The following METTL9 variants were observed in gnomAD, a reference collection of about 807,000 sequenced individuals.
METTL9 encodes the protein protein-L-histidine N-pros-methyltransferase.
In METTL9, 10 loss-of-function variants were observed where a neutral mutation model predicts 36.0. The ratio of observed to expected loss-of-function variants is 0.28; its 90% CI spans 0.17 to 0.47. The LOEUF is 0.47. METTL9 is among the 20% of genes least tolerant of loss of function. The pLI, the probability that METTL9 is intolerant of heterozygous loss-of-function variation, is 0.99. For synonymous variants in METTL9, 175 were observed against 149.7 expected, an observed-to-expected ratio of 1.17 and a Z score of -1.23; for missense variants, 246 against 383.5, an observed-to-expected ratio of 0.64 and a Z score of 3.00.
At chr16:21,599,368 G>C, upstream of METTL9, 1 of 1,037,786 alleles carries the variant, frequency 9.6e-7, no homozygotes, top group Non-Finnish European at 1.2e-6. The surrounding 1 kb of genome is among the most constrained non-coding windows in gnomAD (Gnocchi z 4.4). Context: ...GGCCAAGGCA[G>C]GGCCGGGACA....
chr16:21,655,494 C>A lies in METTL9; in HGVS notation c.*62C>A. 2.1e-6 allele frequency: 3 copies of A among 1,422,474 alleles called. No individual in the cohort carries two copies. The highest frequency in any genetic ancestry group is 2.9e-6 in the Non-Finnish European group (3 of 1,029,392). 88.1% of individuals were successfully genotyped at this position (1,422,474 alleles called of 1,614,324 possible). ...CCGGGATGTGCCCTTGGAAGAGGGT[C>A]TGTGTTCACAATTACGTGAAGGGAG... On this transcript the variant is annotated 3_prime_UTR_variant, in exon 5 of 5. Transcript: ENST00000358154.
chr16:21,632,246 A>G (rs960038273), intron 4 of METTL9, among the ~76,000 whole-genome samples: 3 of 152,346 alleles, frequency 2.0e-5, no homozygotes, highest in Non-Finnish European at 1.5e-5. Flanking sequence ...GTAGGATTAC[A>G]TAAGCATACT....
chr16:21,647,971 G>A (rs888625881), intron 4 of METTL9, among the ~76,000 whole-genome samples: 5 of 152,200 alleles, frequency 3.3e-5, no homozygotes, highest in Non-Finnish European at 5.9e-5. Flanking sequence ...CAGCAGCGAT[G>A]TTTGTGCTTT....
At chr16:21,627,073 A>G in intron 4 of METTL9, 1 of 985,412 alleles carries the variant, frequency 1.0e-6, no homozygotes, top group African/African-American at 1.7e-5. Flanking sequence ...ACCTGAGACA[A>G]GAAGCCTTGT....
chr16:21,639,231 G>A lies in METTL9; in HGVS notation c.751+14116G>A, dbSNP rs369990649. Among the ~76,000 whole-genome samples, 32 of 152,226 alleles carry A rather than the reference G, an allele frequency of 2.1e-4. No homozygotes were observed. The East Asian group carries it at 3.5e-3, about 17-fold the overall frequency. On this transcript the variant is annotated intron_variant, in intron 4 of 4. Transcript: ENST00000358154. Reference sequence around the variant, plus strand: ...GGAACTCTTTGCGAAAGTATATTCCGTATTTCAGCTTCAAAATCAATCTTT... The same window carrying A: ...GGAACTCTTTGCGAAAGTATATTCCATATTTCAGCTTCAAAATCAATCTTT...
rs1365735308 is a variant in METTL9, at chr16:21,638,704, G to C, written c.751+13589G>C. ...AGACGAATAGATCTGTTAGCCTGTG[G>C]GTGAGTTAGGGAAGGTTTCATGTTG... On this transcript the variant is annotated intron_variant, in intron 4 of 4. Transcript: ENST00000358154. Among the ~76,000 whole-genome samples the C allele has an allele frequency of 2.0e-5, 3 of 152,152 alleles. No individual in the cohort carries two copies. The South Asian group carries it at 6.2e-4, about 31-fold the overall frequency.
rs1965050342 is a variant in METTL9 at position 21,599,697 on chromosome 16, C to T, written c.-37C>T. On this transcript the variant is annotated 5_prime_UTR_variant, in exon 1 of 5. Transcript: ENST00000358154. This position sits in a 1 kb window ranked among gnomAD's most constrained non-coding sequence, Gnocchi z 4.4. The stretch of plus-strand genomic sequence containing the variant: ...CGGTGCCTCCTCCTCCTCGCCCCGG[C>T]GCCGGCGGTGATCCGAGCGAGCGGC... 4 of 1,447,614 alleles carry T rather than the reference C, an allele frequency of 2.8e-6. No homozygotes were observed. In the South Asian group the frequency reaches 4.0e-5, roughly 15 times the overall value. 89.7% of individuals were successfully genotyped at this position (1,447,614 alleles called of 1,614,324 possible).
chr16:21,606,503 C>T (rs1476831929), intron 1 of METTL9, among the ~76,000 whole-genome samples: 1 of 152,046 alleles, frequency 6.6e-6, no homozygotes, highest in African/African-American at 2.4e-5. Flanking sequence ...TCAATGTATT[C>T]AGCAAACTAA....
chr16:21,643,637 G>C, intron 4 of METTL9: 1 of 1,400,710 alleles, frequency 7.1e-7, no homozygotes, highest in Non-Finnish European at 1.0e-6. Flanking sequence ...AACATTTTAT[G>C]TACTCATAAC....
At chr16:21,645,033 A>G (rs984608424) in intron 4 of METTL9, among the ~76,000 whole-genome samples, 3 of 152,236 alleles carry the variant, frequency 2.0e-5, no homozygotes, top group Admixed American at 1.3e-4. Flanking sequence ...CCTTGCAGAA[A>G]TTGTCTTGTG....
intron 4 of METTL9, among the ~76,000 whole-genome samples, chr16:21,645,111 T>C (rs1966389886): frequency 6.6e-6 from 1 of 152,210 alleles, no homozygotes; most frequent in African/African-American, 2.4e-5. Context: ...CAAAATACAA[T>C]TAGATTTGTA....
At chr16:21,597,839 G>C (rs145914623), upstream of METTL9, 1 of 153,358 alleles carries the variant, frequency 6.5e-6, no homozygotes, top group Non-Finnish European at 1.4e-5. Flanking sequence ...TGATGACTTG[G>C]GCCAGGACCA....
intron 1 of METTL9, among the ~76,000 whole-genome samples, chr16:21,610,111 A>G (rs1300737147): frequency 6.6e-6 from 1 of 152,196 alleles, no homozygotes; most frequent in Non-Finnish European, 1.5e-5. Context: ...CATCACCCCA[A>G]AAAGAAACCT....
chr16:21,642,161 T>G (rs1966288742), intron 4 of METTL9: 1 of 152,154 alleles, frequency 6.6e-6, no homozygotes, highest in African/African-American at 2.4e-5. Context: ...CCATATTTTT[T>G]TAAAAAGAAA....
chr16:21,625,954 G>A (rs1408455177), intron 4 of METTL9, among the ~76,000 whole-genome samples: 1 of 152,140 alleles, frequency 6.6e-6, no homozygotes, highest in African/African-American at 2.4e-5. Context: ...CTGGAGTGCA[G>A]TGGTGCGATC....
intron 4 of METTL9, among the ~76,000 whole-genome samples, chr16:21,636,899 G>A (rs1013232163): frequency 2.6e-5 from 4 of 152,160 alleles, no homozygotes; most frequent in African/African-American, 4.8e-5. Flanking sequence ...GGCGATAGGC[G>A]ATAGTCTCAC....
rs775139586 is a variant in METTL9 at position 21,612,725 on chromosome 16, G to T, written c.246G>T (p.Gln82His). Residue 82 changes from glutamine (Q) to histidine (H), a missense_variant, in exon 2 of 5, where the codon CAG (glutamine) becomes CAT (histidine). This residue lies in a region of METTL9 where 146 missense variants were observed against 302.1 expected (regional missense o/e 0.48). Coordinates refer to ENST00000358154, the MANE Select transcript of METTL9 (RefSeq NM_016025.5). ...AGAGTTACCTTGATCAAGGAACACA[G>T]ATCTTCTTAAACAACAGCATTGAGA... ...FVQSYLDQGT[Q>H]IFLNNSIEKS... The T allele has an allele frequency of 6.2e-7, 1 of 1,611,300 alleles. No homozygotes were observed. Among genetic ancestry groups the T allele is most frequent in the South Asian group, 1.1e-5 (1 of 90,878 alleles).
At chr16:21,601,659 A>T (rs1440805137) in intron 1 of METTL9, among the ~76,000 whole-genome samples, 2 of 152,062 alleles carry the variant, frequency 1.3e-5, no homozygotes, top group African/African-American at 4.8e-5. Context: ...TTAAAAGCTG[A>T]ATCTGTTAAG....
chr16:21,611,781 G>A (rs1965431887), intron 1 of METTL9, among the ~76,000 whole-genome samples: 1 of 152,170 alleles, frequency 6.6e-6, no homozygotes, highest in Non-Finnish European at 1.5e-5. Context: ...ACTTGATTGT[G>A]GGGCTGACGC....
Sources: allele counts gnomAD v4.1 joint callset (sites outside exome capture counted in the v4.1 genomes callset), GRCh38; gene constraint gnomAD v4.1.1; regional missense constraint gnomAD v4.1.1; non-coding constraint Gnocchi (gnomAD v3.1); transcripts MANE v1.5; gene names NCBI Gene and HGNC (gene_info 2026-07-23, HGNC 2026-07-21).